GSE1: variants seen among roughly 807,000 people sequenced by gnomAD.
The protein encoded by GSE1 is Gse1 coiled-coil protein.
In GSE1, 32 loss-of-function variants were observed where a neutral mutation model predicts 112.6. The observed-to-expected ratio is 0.28, with a 90% confidence interval of 0.21 to 0.38. The LOEUF (loss-of-function observed/expected upper bound fraction) is 0.38, where lower values mean the gene tolerates loss of function less well. GSE1 is among the 10% of genes least tolerant of loss of function. The probability of loss-of-function intolerance (pLI) is 1.00; values close to 1 mark genes in which losing one functional copy is unlikely to be tolerated. For missense variants in GSE1, 2,348 were observed against 1,699.2 expected (o/e 1.38, Z -6.71); for synonymous variants, 1,115 against 735.6 (o/e 1.52, Z -8.35).
chr16:85,399,145 G>GT (rs2151665447), intron 2 of GSE1, among the ~76,000 whole-genome samples: 1 of 152,298 alleles, frequency 6.6e-6, no homozygotes, highest in East Asian at 1.9e-4. Flanking sequence ...CGTGGCTTGT[G>GT]TGTGTCTGTA....
At chr16:85,214,033 C>G (rs1250243471) in intron 1 of GSE1, among the ~76,000 whole-genome samples, 2 of 152,244 alleles carry the variant, frequency 1.3e-5, no homozygotes, top group Non-Finnish European at 2.9e-5. Flanking sequence ...CAGGCTGGCA[C>G]CGGCATCGTT....
At chr16:85,653,845 C>T (rs1162577228) in intron 3 of GSE1, among the ~76,000 whole-genome samples, 1 of 152,208 alleles carries the variant, frequency 6.6e-6, no homozygotes, top group African/African-American at 2.4e-5. Flanking sequence ...GTCTTGGCTA[C>T]ATCGTGGCAC....
intron 2 of GSE1, among the ~76,000 whole-genome samples, chr16:85,394,054 C>T (rs1414728255): frequency 6.6e-6 from 1 of 152,142 alleles, no homozygotes; most frequent in African/African-American, 2.4e-5. Flanking sequence ...TGTCACCAGG[C>T]GTCGATACCG....
chr16:85,451,135 G>A (rs564220563), intron 2 of GSE1, among the ~76,000 whole-genome samples: 7 of 149,626 alleles, frequency 4.7e-5, no homozygotes, highest in East Asian at 2.0e-4. Flanking sequence ...GCACAAGAGC[G>A]TTCAGTCTTT....
At chr16:85,613,923 C>T (rs1160821633) in intron 1 of GSE1, among the ~76,000 whole-genome samples, 2 of 150,746 alleles carry the variant, frequency 1.3e-5, no homozygotes, top group Admixed American at 6.6e-5. Flanking sequence ...CTCCCCTCCC[C>T]CTCCCCGACC....
At chr16:85,541,494 G>A (rs962099054) in intron 2 of GSE1, among the ~76,000 whole-genome samples, 1 of 152,218 alleles carries the variant, frequency 6.6e-6, no homozygotes, top group Non-Finnish European at 1.5e-5. Context: ...TTCTAAGTCC[G>A]GCTGGTGGGA....
Position 85,459,884 on chromosome 16 carries a change from C to T in GSE1, c.2464+102241C>T, listed in dbSNP as rs150612720. Among the ~76,000 whole-genome samples, 337 of 152,340 alleles carry T rather than the reference C, an allele frequency of 2.2e-3. 3 individuals carry two copies. The highest frequency in any genetic ancestry group is 7.5e-3 in the African/African-American group (310 of 41,568). On this transcript the variant is annotated intron_variant, in intron 2 of 2. Coordinates refer to the GSE1 transcript ENST00000637419. ...GTTGCTGACGCCCAGGGAAGCTGAGCGATTCCCCCAGCTCACGCAGTGAGT... is the reference window on the plus strand; with the variant it reads ...GTTGCTGACGCCCAGGGAAGCTGAGTGATTCCCCCAGCTCACGCAGTGAGT...
intron 1 of GSE1, among the ~76,000 whole-genome samples, chr16:85,261,015 G>A (rs1271137132): frequency 2.6e-5 from 4 of 152,232 alleles, no homozygotes; most frequent in Admixed American, 6.5e-5. Context: ...GGGGTGCTCA[G>A]TTCCACCATG....
chr16:85,524,965 G>A (rs75620354), intron 2 of GSE1, among the ~76,000 whole-genome samples: 5 of 152,260 alleles, frequency 3.3e-5, no homozygotes, highest in Middle Eastern at 3.4e-3. Flanking sequence ...GTGAGTCCCC[G>A]CCATGCCCGC....
chr16:85,221,541 G>A (rs1193343929), intron 1 of GSE1, among the ~76,000 whole-genome samples: 2 of 152,114 alleles, frequency 1.3e-5, no homozygotes, highest in Non-Finnish European at 2.9e-5. Flanking sequence ...CTGGTCCCCT[G>A]TTCACATGGC....
intron 1 of GSE1, among the ~76,000 whole-genome samples, chr16:85,618,753 G>T (rs549566251): frequency 6.6e-6 from 1 of 152,152 alleles, no homozygotes; most frequent in African/African-American, 2.4e-5. Flanking sequence ...AAACTCCTGC[G>T]CTCAAGTGAT....
At chr16:85,225,892 G>A (rs904637764) in intron 1 of GSE1, among the ~76,000 whole-genome samples, 10 of 152,202 alleles carry the variant, frequency 6.6e-5, no homozygotes, top group African/African-American at 2.4e-4. Flanking sequence ...TCATCAGCAC[G>A]TCAACTGGGG....
At chr16:85,331,643 GTA>G (rs67019137) in intron 1 of GSE1, among the ~76,000 whole-genome samples, 23,981 of 123,146 alleles carry the variant, frequency 0.19, 3,995 homozygotes, top group East Asian at 0.36. Flanking sequence ...ATATATGTGT[GTA>G]TATATATATG....
intron 2 of GSE1, among the ~76,000 whole-genome samples, chr16:85,645,871 G>A (rs2050813898): frequency 6.6e-6 from 1 of 151,696 alleles, no homozygotes; most frequent in Non-Finnish European, 1.5e-5. Context: ...CTTCTACCAT[G>A]CTTCCTATGC....
chr16:85,434,679 A>G (rs749830182), intron 2 of GSE1, among the ~76,000 whole-genome samples: 4 of 152,180 alleles, frequency 2.6e-5, no homozygotes, highest in Non-Finnish European at 5.9e-5. Context: ...TTAGCCAGGC[A>G]TGGTGGCACG....
chr16:85,452,731 T>C (rs1277713716), intron 2 of GSE1, among the ~76,000 whole-genome samples: 1 of 152,080 alleles, frequency 6.6e-6, no homozygotes, highest in East Asian at 1.9e-4. Flanking sequence ...GCACAGGTCC[T>C]GGGAGAGAGA....
At chr16:85,294,084 A>G (rs2045295706) in intron 1 of GSE1, among the ~76,000 whole-genome samples, 1 of 151,872 alleles carries the variant, frequency 6.6e-6, no homozygotes, top group Non-Finnish European at 1.5e-5. Context: ...ACCGGCAAAG[A>G]CTCCAGAGCA....
intron 1 of GSE1, among the ~76,000 whole-genome samples, chr16:85,312,545 C>T (rs945277303): frequency 2.0e-5 from 3 of 152,146 alleles, no homozygotes; most frequent in Admixed American, 6.5e-5. Context: ...TTTAGAGCCC[C>T]GTGGATTTGG....
intron 2 of GSE1, among the ~76,000 whole-genome samples, chr16:85,426,524 G>GTGT (rs1555510139): frequency 3.1e-5 from 1 of 31,766 alleles, no homozygotes. Flanking sequence ...GTGGGTGGAA[G>GTGT]GGTGGGTGGA....
Sources: gnomAD v4.1 joint callset for allele counts (sites outside exome capture counted in the v4.1 genomes callset) on GRCh38, gnomAD v4.1.1 for gene constraint, MANE v1.5 for transcripts, NCBI Gene and HGNC (gene_info 2026-07-23, HGNC 2026-07-21) for gene names.